DNAI4: variants seen among roughly 807,000 people sequenced by gnomAD.
DNAI4 encodes dynein axonemal intermediate chain 4, also known as WD repeat domain 78.
Under a neutral mutation model 105.8 loss-of-function variants are expected in DNAI4, and 85 were observed. That is an observed-to-expected ratio of 0.80 (90% CI 0.67 to 0.96). The LOEUF (loss-of-function observed/expected upper bound fraction) is 0.96, where lower values mean the gene tolerates loss of function less well. Ranked by LOEUF, DNAI4 falls within the 40% of genes least tolerant of loss-of-function variation. The pLI, the probability that DNAI4 is intolerant of heterozygous loss-of-function variation, is 0.00. For synonymous variants in DNAI4, 352 were observed against 331.5 expected (o/e 1.06, Z -0.67); for missense variants, 1,014 against 1,005.6 (o/e 1.01, Z -0.11).
Position 66,840,578 on chromosome 1 carries a change from T to C in DNAI4, c.1385A>G (p.His462Arg), listed in dbSNP as rs754533938. Residue 462 changes from histidine to arginine, a missense_variant, in exon 9 of 17, where the codon CAT (histidine) becomes CGT (arginine). His to Arg is a conservative substitution (Grantham distance 29, BLOSUM62 0). Transcript: ENST00000371026. The part of the protein sequence containing the change: ...ESKKEEEEEI[H>R]AEESTIPANL... Reference sequence around the variant, plus strand: ...GGCGGGTATTGTTGATTCTTCTGCATGTATTTCTTCTTCCTCCTCCTTCTT... The same window carrying C: ...GGCGGGTATTGTTGATTCTTCTGCACGTATTTCTTCTTCCTCCTCCTTCTT... 4 of 1,614,238 alleles carry C rather than the reference T, an allele frequency of 2.5e-6. No individual in the cohort carries two copies. Among genetic ancestry groups the C allele is most frequent in the Non-Finnish European group, 3.4e-6 (4 of 1,180,034 alleles).
intron 7 of DNAI4, among the ~76,000 whole-genome samples, chr1:66,850,715 T>G (rs748608651): frequency 2.0e-5 from 3 of 151,890 alleles, no homozygotes; most frequent in Non-Finnish European, 4.4e-5. Context: ...AAGGCAAATA[T>G]AAATGGGGGT....
chr1:66,851,124 T>C (rs1646387760), intron 7 of DNAI4, among the ~76,000 whole-genome samples: 1 of 151,630 alleles, frequency 6.6e-6, no homozygotes, highest in Non-Finnish European at 1.5e-5. Flanking sequence ...ATATACAATG[T>C]AGATAGGTTG....
intron 1 of DNAI4, among the ~76,000 whole-genome samples, chr1:66,921,003 G>T (rs2100907716): frequency 6.6e-6 from 1 of 152,198 alleles, no homozygotes; most frequent in East Asian, 1.9e-4. Flanking sequence ...ATATCAAAAG[G>T]TACAAAAACA....
At chr1:66,893,067 A>AAGAAAGAAAAAG (rs1647927543) in intron 3 of DNAI4, among the ~76,000 whole-genome samples, 162 bp downstream of exon 3, 1 of 94,548 alleles carries the variant, frequency 1.1e-5, no homozygotes, top group African/African-American at 4.2e-5. Context: ...GAGAGAGAGA[A>AAGAAAGAAAAAG]AGAAAGAAAG....
intron 4 of DNAI4, among the ~76,000 whole-genome samples, chr1:66,878,073 TG>T (rs1281720339): frequency 2.0e-5 from 3 of 152,188 alleles, no homozygotes; most frequent in African/African-American, 7.2e-5. Context: ...ACTTGTAGAA[TG>T]GGAAGTTAAG....
Position 66,891,158 on chromosome 1 carries a change from G to T in DNAI4, c.639C>A (p.Phe213Leu). The T allele has an allele frequency of 1.9e-6, 3 of 1,604,160 alleles. No individual in the cohort carries two copies. The highest frequency in any genetic ancestry group is 2.6e-6 in the Non-Finnish European group (3 of 1,171,162). ...AAACAAGTATATTTTCATTACCTGTGAAACTAGTCAATCTTTCCCGTTTAT... is the reference window on the plus strand; with the variant it reads ...AAACAAGTATATTTTCATTACCTGTTAAACTAGTCAATCTTTCCCGTTTAT... ...PSYKRERLTS[F>L]TDLQVIRAAP... The change falls in exon 4 of 17, where the codon TTC (phenylalanine) becomes TTA (leucine). Residue 213 changes from phenylalanine (F) to leucine (L), a missense_variant. By Grantham distance (22) the Phe-to-Leu change is conservative. Transcript: ENST00000371026.
chr1:66,917,112 G>C (rs1213595280), intron 1 of DNAI4, among the ~76,000 whole-genome samples: 2 of 152,150 alleles, frequency 1.3e-5, no homozygotes, highest in Non-Finnish European at 2.9e-5. Flanking sequence ...ATAAAAATTA[G>C]ACAGGGAGCA....
intron 7 of DNAI4, among the ~76,000 whole-genome samples, chr1:66,861,905 A>G (rs1272476706): frequency 6.6e-6 from 1 of 152,204 alleles, no homozygotes; most frequent in Non-Finnish European, 1.5e-5. Context: ...AGAGAGCTTA[A>G]GAGCAAGTAA....
In DNAI4 at chr1:66,870,604, G is replaced by A. The variant is rs529888728; in HGVS notation, c.940+766C>T. ...CATCTCTATAAAAATACAAAAATTC[G>A]CCGGGCATGATGGCAGGTGCCTGTA... On this transcript the variant is annotated intron_variant, in intron 6 of 16. Transcript: ENST00000371026. 1.9e-4 allele frequency among the ~76,000 whole-genome samples: 29 copies of A among 150,198 alleles called. 1 individual carries two copies. The South Asian group carries it at 5.9e-3, about 31-fold the overall frequency.
intron 2 of DNAI4, among the ~76,000 whole-genome samples, chr1:66,894,705 A>C (rs1247839139): frequency 6.6e-6 from 1 of 152,132 alleles, no homozygotes; most frequent in Non-Finnish European, 1.5e-5. Flanking sequence ...GTTTTTGAAA[A>C]TCCTGTCCTT....
chr1:66,861,502 G>C (rs984410989), intron 7 of DNAI4, among the ~76,000 whole-genome samples: 1 of 152,116 alleles, frequency 6.6e-6, no homozygotes, highest in Admixed American at 6.6e-5. Context: ...AAGTTTATTT[G>C]GAAAGCTACA....
chr1:66,892,945 AAAGAG>A (rs761342179), intron 3 of DNAI4, among the ~76,000 whole-genome samples: 38 of 97,078 alleles, frequency 3.9e-4, no homozygotes, highest in African/African-American at 1.1e-3. Flanking sequence ...GAAAGAGAAG[AAAGAG>A]AAGAAAGAAA....
At chr1:66,816,117 G>A (rs957058526) in intron 16 of DNAI4, among the ~76,000 whole-genome samples, 54 of 151,798 alleles carry the variant, frequency 3.6e-4, no homozygotes, top group African/African-American at 9.4e-4. Flanking sequence ...TGACCAGCCC[G>A]GGCAACATTA....
chr1:66,840,716 AG>A, intron 8 of DNAI4, 45 bp from the exon 9 acceptor site: 1 of 1,598,894 alleles, frequency 6.3e-7, no homozygotes, highest in African/African-American at 1.3e-5. Flanking sequence ...CTACATCTAT[AG>A]GGACCTGCCA....
chr1:66,907,561 G>C (rs1649354873), intron 1 of DNAI4, among the ~76,000 whole-genome samples: 1 of 152,006 alleles, frequency 6.6e-6, no homozygotes, highest in South Asian at 2.1e-4. Flanking sequence ...CACTATCCCT[G>C]AGTAAATTCC....
At chr1:66,906,239 C>T (rs1439899309) in intron 1 of DNAI4, among the ~76,000 whole-genome samples, 1 of 152,002 alleles carries the variant, frequency 6.6e-6, no homozygotes, top group Non-Finnish European at 1.5e-5. Context: ...AGAGAAGTTA[C>T]AATCAAAATA....
chr1:66,855,830 T>C (rs2100571697), intron 7 of DNAI4, among the ~76,000 whole-genome samples: 1 of 152,248 alleles, frequency 6.6e-6, no homozygotes, highest in East Asian at 1.9e-4. Flanking sequence ...ATAGGTTTGT[T>C]GCAGTTGTTG....
chr1:66,844,887 C>A (rs1316644810), intron 8 of DNAI4, among the ~76,000 whole-genome samples: 1 of 152,022 alleles, frequency 6.6e-6, no homozygotes, highest in Non-Finnish European at 1.5e-5. Flanking sequence ...GCTCTTACAA[C>A]TTGATTTTTT....
intron 1 of DNAI4, among the ~76,000 whole-genome samples, chr1:66,923,611 T>C (rs528464139): frequency 2.2e-4 from 34 of 152,182 alleles, no homozygotes; most frequent in African/African-American, 8.0e-4. Context: ...GATCAGCCAT[T>C]GTATTTGGTT....
Sources: allele counts gnomAD v4.1 joint callset (sites outside exome capture counted in the v4.1 genomes callset), GRCh38; gene constraint gnomAD v4.1.1; transcripts MANE v1.5; gene names NCBI Gene and HGNC (gene_info 2026-07-23, HGNC 2026-07-21).